The following ATRNL1 variants were observed in gnomAD, a reference collection of about 807,000 sequenced individuals.
The protein encoded by ATRNL1 is attractin-like protein 1.
ATRNL1 carries 95 observed loss-of-function variants against 182.7 expected under a neutral mutation model. The observed-to-expected ratio is 0.52, with a 90% CI of 0.44 to 0.62. The LOEUF is 0.62. Ranked by LOEUF, ATRNL1 falls within the 20% of genes least tolerant of loss-of-function variation. The pLI, the probability that ATRNL1 is intolerant of heterozygous loss-of-function variation, is 0.00. For synonymous variants in ATRNL1, 576 were observed against 568.3 expected (o/e 1.01, Z -0.19); for missense variants, 1,471 against 1,679.5 (o/e 0.88, Z 2.17).
intron 26 of ATRNL1, among the ~76,000 whole-genome samples, chr10:115,714,231 T>A (rs1947178498): frequency 6.6e-6 from 1 of 152,176 alleles, no homozygotes; most frequent in South Asian, 2.1e-4. Context: ...GACCTTTTCC[T>A]TAGTTCAGCT....
At chr10:115,769,673 T>G (rs1948940207) in intron 27 of ATRNL1, among the ~76,000 whole-genome samples, 1 of 152,156 alleles carries the variant, frequency 6.6e-6, no homozygotes, top group South Asian at 2.1e-4. Flanking sequence ...ATCTATCATC[T>G]GATAACTGGC....
chr10:115,920,410 C>A (rs1671289415), intron 28 of ATRNL1, among the ~76,000 whole-genome samples: 1 of 152,140 alleles, frequency 6.6e-6, no homozygotes, highest in Admixed American at 6.5e-5. Flanking sequence ...CAAACACCTC[C>A]AAAGAAGTAG....
chr10:115,257,766 T>C (rs2133861405), intron 10 of ATRNL1, among the ~76,000 whole-genome samples: 1 of 152,356 alleles, frequency 6.6e-6, no homozygotes, highest in Non-Finnish European at 1.5e-5. Flanking sequence ...TTTCCATGTT[T>C]AGTGCTTCCT....
chr10:115,760,837 G>A (rs1383792254), intron 27 of ATRNL1, among the ~76,000 whole-genome samples: 1 of 152,168 alleles, frequency 6.6e-6, no homozygotes, highest in Non-Finnish European at 1.5e-5. Context: ...ATCAGACAAG[G>A]TATAGTTTGT....
intron 1 of ATRNL1, among the ~76,000 whole-genome samples, chr10:115,094,925 G>A (rs1224509763): frequency 6.6e-6 from 1 of 152,174 alleles, no homozygotes; most frequent in African/African-American, 2.4e-5. Context: ...TTTCTGATCG[G>A]TTAATTCACT....
At chr10:115,917,593 T>G (rs951409739) in intron 28 of ATRNL1, among the ~76,000 whole-genome samples, 1 of 152,188 alleles carries the variant, frequency 6.6e-6, no homozygotes, top group African/African-American at 2.4e-5. Context: ...TTTGGTTTTT[T>G]GTTTGTGTTG....
At chr10:115,397,205 A>G (rs1554955837) in intron 20 of ATRNL1, among the ~76,000 whole-genome samples, 1 of 151,966 alleles carries the variant, frequency 6.6e-6, no homozygotes, top group Admixed American at 6.6e-5. Context: ...ACTTGATACT[A>G]CTAATGAAGA....
At chr10:115,844,656 G>C (rs920342290) in intron 27 of ATRNL1, among the ~76,000 whole-genome samples, 1 of 152,002 alleles carries the variant, frequency 6.6e-6, no homozygotes, top group East Asian at 1.9e-4. Flanking sequence ...AAAGTGCTGT[G>C]GGCCTAATAC....
At chr10:115,514,780 G>A (rs1266661924) in intron 24 of ATRNL1, among the ~76,000 whole-genome samples, 2 of 151,934 alleles carry the variant, frequency 1.3e-5, no homozygotes, top group African/African-American at 4.8e-5. Flanking sequence ...AAGGGGATTA[G>A]TGAAGACTCA....
Position 115,132,987 on chromosome 10 carries a change from T to G in ATRNL1, c.829+3452T>G, listed in dbSNP as rs12255156. Among the ~76,000 whole-genome samples the G allele has an allele frequency of 8.0e-3, 1,212 of 152,344 alleles. 18 individuals are homozygous for G. Among genetic ancestry groups the G allele is most frequent in the African/African-American group, 0.028 (1,166 of 41,580 alleles). ...TTTGTTGCCATTGCTTTTGGTGTTT[T>G]AGACATGAAGTCCTTGCCCATGCCT... is the stretch of plus-strand genomic sequence containing the variant. On this transcript the variant is annotated intron_variant, in intron 5 of 28. Coordinates refer to ENST00000355044, the MANE Select transcript of ATRNL1 (RefSeq NM_207303.4).
chr10:115,250,238 C>T (rs1369960666), intron 10 of ATRNL1, among the ~76,000 whole-genome samples: 1 of 152,182 alleles, frequency 6.6e-6, no homozygotes, highest in Non-Finnish European at 1.5e-5. Context: ...TGATTGCAAA[C>T]TCTCAACACA....
intron 21 of ATRNL1, among the ~76,000 whole-genome samples, chr10:115,451,456 T>A (rs1847276876): frequency 6.6e-6 from 1 of 152,184 alleles, no homozygotes; most frequent in East Asian, 1.9e-4. Flanking sequence ...GCAAAGGACA[T>A]GAACAGAAAC....
At chr10:115,311,004 T>C (rs527642973) in intron 17 of ATRNL1, among the ~76,000 whole-genome samples, 3 of 152,286 alleles carry the variant, frequency 2.0e-5, no homozygotes, top group East Asian at 1.9e-4. Context: ...AGATAACTTA[T>C]GTCACAGTTA....
At chr10:115,879,905 C>A (rs1951789090) in intron 28 of ATRNL1, among the ~76,000 whole-genome samples, 1 of 152,010 alleles carries the variant, frequency 6.6e-6, no homozygotes, top group African/African-American at 2.4e-5. Context: ...ATGCAGAAGC[C>A]TGGGGTCAGG....
At chr10:115,835,702 C>A (rs1200675673) in intron 27 of ATRNL1, among the ~76,000 whole-genome samples, 8 of 152,186 alleles carry the variant, frequency 5.3e-5, no homozygotes, top group Non-Finnish European at 1.0e-4. Context: ...GATGTGCTGC[C>A]TGCATTCCCA....
chr10:115,293,506 A>G (rs1476730025), intron 15 of ATRNL1, among the ~76,000 whole-genome samples: 3 of 151,128 alleles, frequency 2.0e-5, no homozygotes, highest in Non-Finnish European at 4.4e-5. Flanking sequence ...TTTTGTAGTG[A>G]TATGGTTTTA....
intron 15 of ATRNL1, among the ~76,000 whole-genome samples, chr10:115,287,922 CTGTT>C (rs1852701675): frequency 1.6e-5 from 2 of 128,464 alleles, no homozygotes. Context: ...ATAAGATCAA[CTGTT>C]TTTTTTTTTT....
At chr10:115,534,760 A>G (rs1245922139) in intron 25 of ATRNL1, among the ~76,000 whole-genome samples, 10 of 150,930 alleles carry the variant, frequency 6.6e-5, no homozygotes, top group Admixed American at 2.0e-4. Flanking sequence ...GTTCCTTTCC[A>G]TGTTTAGTGC....
chr10:115,791,357 A>G (rs1351221431), intron 27 of ATRNL1, among the ~76,000 whole-genome samples: 1 of 152,112 alleles, frequency 6.6e-6, no homozygotes, highest in African/African-American at 2.4e-5. Flanking sequence ...TGTACAGGAG[A>G]GTGTACAAAA....
Sources: gnomAD v4.1 joint callset for allele counts (sites outside exome capture counted in the v4.1 genomes callset) on GRCh38, gnomAD v4.1.1 for gene constraint, MANE v1.5 for transcripts, NCBI Gene and HGNC (gene_info 2026-07-23, HGNC 2026-07-21) for gene names.